Variants in TCF4 observed in about 807,000 individuals in gnomAD.
TCF4 encodes the protein transcription factor 4.
In TCF4, 3 loss-of-function variants were observed where a neutral mutation model predicts 82.1. The observed-to-expected ratio is 0.04, with a 90% CI of 0.02 to 0.09. The LOEUF is 0.09. TCF4 is among the 10% of genes least tolerant of loss of function. The pLI is 1.00. For synonymous variants in TCF4, 276 were observed against 309.6 expected (o/e 0.89, Z 1.14); for missense variants, 518 against 852.7 (o/e 0.61, Z 4.89).
At chr18:55,512,797 T>TA (rs1393776360) in intron 3 of TCF4, among the ~76,000 whole-genome samples, 3 of 152,128 alleles carry the variant, frequency 2.0e-5, no homozygotes, top group Non-Finnish European at 2.9e-5. Context: ...AATAAAAAGT[T>TA]AAAAAAATAA....
At chr18:55,385,568 A>G (rs2092518704) in intron 6 of TCF4, among the ~76,000 whole-genome samples, 1 of 151,942 alleles carries the variant, frequency 6.6e-6, no homozygotes. Flanking sequence ...CACCCTGCTA[A>G]TTTTGTATTT....
intron 5 of TCF4, among the ~76,000 whole-genome samples, chr18:55,406,640 CTG>C (rs1374910118): frequency 6.6e-6 from 1 of 152,182 alleles, no homozygotes; most frequent in East Asian, 1.9e-4. Context: ...TCTTAAATAT[CTG>C]TGTTTACTCT....
chr18:55,616,151 CT>C, intron 2 of TCF4, among the ~76,000 whole-genome samples: 1 of 152,220 alleles, frequency 6.6e-6, no homozygotes, highest in Admixed American at 6.5e-5. Context: ...TTCCCAGCCG[CT>C]GGCAACCATC....
At chr18:55,486,675 T>C (rs2145709855) in intron 3 of TCF4, among the ~76,000 whole-genome samples, 1 of 152,222 alleles carries the variant, frequency 6.6e-6, no homozygotes, top group Non-Finnish European at 1.5e-5. Flanking sequence ...TTCCAAGGTG[T>C]GGCCAGAGAA....
At chr18:55,571,684 AG>A (rs1424425406) in intron 3 of TCF4, among the ~76,000 whole-genome samples, 4 of 152,040 alleles carry the variant, frequency 2.6e-5, no homozygotes, top group Non-Finnish European at 4.4e-5. Flanking sequence ...CTTGCTAGGA[AG>A]GAAGTCAAGA....
intron 3 of TCF4, among the ~76,000 whole-genome samples, chr18:55,506,050 T>C (rs1461190866): frequency 6.6e-6 from 1 of 152,286 alleles, no homozygotes; most frequent in Non-Finnish European, 1.5e-5. Flanking sequence ...CTTTGAGAAA[T>C]GGTTTCTTCA....
chr18:55,235,570 G>A (rs939966744), intron 15 of TCF4, among the ~76,000 whole-genome samples: 5 of 151,932 alleles, frequency 3.3e-5, no homozygotes, highest in Admixed American at 6.5e-5. Context: ...TACTACTATC[G>A]ACTCTGGGGT....
At chr18:55,316,744 C>T (rs1298678567) in intron 8 of TCF4, among the ~76,000 whole-genome samples, 1 of 152,040 alleles carries the variant, frequency 6.6e-6, no homozygotes, top group Non-Finnish European at 1.5e-5. Flanking sequence ...AAGACTGCAT[C>T]AACTATTAGA....
At chr18:55,518,470 GT>G (rs764424670) in intron 3 of TCF4, among the ~76,000 whole-genome samples, 18 of 152,196 alleles carry the variant, frequency 1.2e-4, no homozygotes, top group Non-Finnish European at 2.5e-4. Context: ...AAGTCTAACA[GT>G]TTAACACTGG....
intron 6 of TCF4, among the ~76,000 whole-genome samples, chr18:55,380,100 C>T (rs541060270): frequency 1.3e-5 from 2 of 151,920 alleles, no homozygotes; most frequent in South Asian, 2.1e-4. Context: ...AGGCTGGTCT[C>T]GAAACTCCTG....
chr18:55,563,350 A>C (rs2097372232), intron 3 of TCF4, among the ~76,000 whole-genome samples: 1 of 152,056 alleles, frequency 6.6e-6, no homozygotes, highest in Non-Finnish European at 1.5e-5. Flanking sequence ...CCACTTAATC[A>C]CTGATTGTTT....
intron 8 of TCF4, among the ~76,000 whole-genome samples, chr18:55,295,556 T>G (rs1307619372): frequency 6.6e-6 from 1 of 152,154 alleles, no homozygotes; most frequent in Admixed American, 6.5e-5. Context: ...GACTCTAAGT[T>G]TTCCAGGTCC....
intron 8 of TCF4, among the ~76,000 whole-genome samples, chr18:55,347,758 G>T (rs190739468): frequency 6.6e-6 from 1 of 152,254 alleles, no homozygotes; most frequent in East Asian, 1.9e-4. Flanking sequence ...TATTATAAGG[G>T]AAAGAGAGGG....
chr18:55,347,247 C>A (rs1404723335), intron 8 of TCF4, among the ~76,000 whole-genome samples: 1 of 152,042 alleles, frequency 6.6e-6, no homozygotes, highest in Non-Finnish European at 1.5e-5. Context: ...GAGCAACATA[C>A]TAAAATACGA....
At chr18:55,547,388 T>C (rs1288652667) in intron 3 of TCF4, among the ~76,000 whole-genome samples, 1 of 152,196 alleles carries the variant, frequency 6.6e-6, no homozygotes, top group African/African-American at 2.4e-5. Context: ...AATAAAACAT[T>C]CTGATGGGTT....
intron 9 of TCF4, among the ~76,000 whole-genome samples, chr18:55,277,935 T>G (rs1038906210): frequency 5.9e-5 from 9 of 152,186 alleles, no homozygotes; most frequent in Non-Finnish European, 1.2e-4. Flanking sequence ...ATTAGCTTTT[T>G]GTCACGGCAC....
intron 3 of TCF4, among the ~76,000 whole-genome samples, chr18:55,574,456 CT>C (rs1191503095): frequency 6.6e-6 from 1 of 152,166 alleles, no homozygotes; most frequent in Non-Finnish European, 1.5e-5. Context: ...TCCCGAGTAG[CT>C]GAGATTACAG....
intron 6 of TCF4, among the ~76,000 whole-genome samples, chr18:55,392,116 AC>A (rs1291261048): frequency 6.6e-6 from 1 of 150,484 alleles, no homozygotes; most frequent in Non-Finnish European, 1.5e-5. Context: ...GGCATGCACC[AC>A]CACACCTAGC....
intron 6 of TCF4, among the ~76,000 whole-genome samples, chr18:55,372,786 G>A (rs1334985554): frequency 6.6e-6 from 1 of 152,122 alleles, no homozygotes; most frequent in East Asian, 1.9e-4. Flanking sequence ...AACATGAGAG[G>A]TAAAGGGGAG....
Sources: allele counts gnomAD v4.1 joint callset (sites outside exome capture counted in the v4.1 genomes callset), GRCh38; gene constraint gnomAD v4.1.1; transcripts MANE v1.5; gene names NCBI Gene and HGNC (gene_info 2026-07-23, HGNC 2026-07-21).